Variants in RABGAP1L observed in about 807,000 individuals in gnomAD.
The protein encoded by RABGAP1L is rab GTPase-activating protein 1-like.
In RABGAP1L, 63 loss-of-function variants were observed where a neutral mutation model predicts 137.7. The ratio of observed to expected loss-of-function variants is 0.46; its 90% CI spans 0.37 to 0.56. RABGAP1L has a LOEUF of 0.56. RABGAP1L is among the 20% of genes least tolerant of loss of function. RABGAP1L has a pLI of 0.00. For missense variants in RABGAP1L, 1,095 were observed against 1,244.0 expected (o/e 0.88, Z 1.80); for synonymous variants, 431 against 433.7 (o/e 0.99, Z 0.08).
At chr1:174,228,373 TTC>T (rs1028440063) in intron 3 of RABGAP1L, among the ~76,000 whole-genome samples, 3 of 152,130 alleles carry the variant, frequency 2.0e-5, no homozygotes, top group African/African-American at 7.2e-5. Context: ...CTTATATTTT[TTC>T]TGTTTTTAAG....
chr1:174,896,574 T>C (rs1657217015), intron 19 of RABGAP1L, among the ~76,000 whole-genome samples: 1 of 152,244 alleles, frequency 6.6e-6, no homozygotes, highest in African/African-American at 2.4e-5. Context: ...TGGTTTTATG[T>C]CTAACATTTA....
intron 1 of RABGAP1L, among the ~76,000 whole-genome samples, chr1:174,165,284 G>A (rs1664809957): frequency 6.6e-6 from 1 of 152,098 alleles, no homozygotes; most frequent in Non-Finnish European, 1.5e-5. Context: ...TGAGTAGCTG[G>A]GATTACAGGC....
intron 19 of RABGAP1L, among the ~76,000 whole-genome samples, chr1:174,952,532 G>T (rs1223077642): frequency 6.6e-6 from 1 of 151,584 alleles, no homozygotes; most frequent in Admixed American, 6.6e-5. Context: ...AATGATGATT[G>T]AGTTTGATAA....
chr1:174,978,058 T>G (rs1273868147), intron 22 of RABGAP1L, among the ~76,000 whole-genome samples: 1 of 152,252 alleles, frequency 6.6e-6, no homozygotes, highest in Admixed American at 6.5e-5. Context: ...TTTCATTACT[T>G]GTTTGTTCAA....
chr1:174,189,786 TAGTG>T (rs1158072052), intron 1 of RABGAP1L, among the ~76,000 whole-genome samples: 1 of 152,060 alleles, frequency 6.6e-6, no homozygotes, highest in Non-Finnish European at 1.5e-5. Context: ...CTGGGCAACA[TAGTG>T]AGACTCTGTC....
At chr1:174,495,999 G>A (rs1381875507) in intron 13 of RABGAP1L, among the ~76,000 whole-genome samples, 1 of 152,146 alleles carries the variant, frequency 6.6e-6, no homozygotes, top group Non-Finnish European at 1.5e-5. Flanking sequence ...GATTACAGAT[G>A]TAAGCCACCA....
intron 13 of RABGAP1L, among the ~76,000 whole-genome samples, chr1:174,524,203 TGTTG>T (rs1663678485): frequency 6.7e-6 from 1 of 150,006 alleles, no homozygotes; most frequent in Non-Finnish European, 1.5e-5. Flanking sequence ...TTGTTGTTGT[TGTTG>T]TTTTTTTAAG....
chr1:174,584,896 A>G (rs987091762), intron 13 of RABGAP1L, among the ~76,000 whole-genome samples: 1 of 152,028 alleles, frequency 6.6e-6, no homozygotes, highest in African/African-American at 2.4e-5. Context: ...GAGCTAAGGT[A>G]TAGGATGTAG....
chr1:174,945,075 C>T (rs1311865644), intron 19 of RABGAP1L, among the ~76,000 whole-genome samples: 1 of 152,140 alleles, frequency 6.6e-6, no homozygotes, highest in Admixed American at 6.5e-5. Context: ...ACTTGGTTTT[C>T]CCATCATTCT....
At chr1:174,833,466 A>ATATATATATATAT (rs71117580) in intron 19 of RABGAP1L, among the ~76,000 whole-genome samples, 5,850 of 61,042 alleles carry the variant, frequency 0.096, 1,462 homozygotes, top group Non-Finnish European at 0.15. Context: ...ATATATATAT[A>ATATATATATATAT]TAGTAGAGAC....
chr1:174,618,827 C>A (rs564551281), intron 13 of RABGAP1L, among the ~76,000 whole-genome samples: 6 of 151,966 alleles, frequency 3.9e-5, no homozygotes, highest in Admixed American at 6.6e-5. Context: ...AGGCTTCAGA[C>A]GATCAAGCTA....
chr1:174,444,062 T>C (rs536438841), intron 13 of RABGAP1L, among the ~76,000 whole-genome samples: 1 of 151,964 alleles, frequency 6.6e-6, no homozygotes, highest in East Asian at 1.9e-4. Context: ...AATATCATGC[T>C]GTTTTGGTTA....
At chr1:174,822,045 G>A (rs1039779271) in intron 19 of RABGAP1L, among the ~76,000 whole-genome samples, 2 of 152,124 alleles carry the variant, frequency 1.3e-5, no homozygotes, top group African/African-American at 4.8e-5. Flanking sequence ...GGTGGATCAC[G>A]AGGTCAGGAG....
At chr1:174,499,109 A>G (rs1661015608) in intron 13 of RABGAP1L, among the ~76,000 whole-genome samples, 1 of 152,160 alleles carries the variant, frequency 6.6e-6, no homozygotes, top group South Asian at 2.1e-4. Context: ...GGGAAAATTA[A>G]AAATGAGTTT....
At chr1:174,276,311 T>C (rs1027824285) in intron 9 of RABGAP1L, among the ~76,000 whole-genome samples, 7 of 152,112 alleles carry the variant, frequency 4.6e-5, no homozygotes, top group South Asian at 4.1e-4. Context: ...CATGCATGGC[T>C]AATTTTTAAA....
At chr1:174,524,324 G>GT (rs1663691820) in intron 13 of RABGAP1L, among the ~76,000 whole-genome samples, 4 of 151,348 alleles carry the variant, frequency 2.6e-5, no homozygotes, top group South Asian at 4.2e-4. Flanking sequence ...GTTATCTTTT[G>GT]TTTTTTTAAT....
At chr1:174,263,710 CT>C (rs879804697) in intron 7 of RABGAP1L, among the ~76,000 whole-genome samples, 324 of 144,630 alleles carry the variant, frequency 2.2e-3, no homozygotes, top group Non-Finnish European at 2.2e-3. Flanking sequence ...CTTTTATTTA[CT>C]TTTTTTTTTT....
At chr1:174,204,486 C>T (rs1283323808) in intron 1 of RABGAP1L, among the ~76,000 whole-genome samples, 2 of 152,084 alleles carry the variant, frequency 1.3e-5, no homozygotes, top group South Asian at 2.1e-4. Context: ...TGTGTTGTGC[C>T]GGTTTTTACA....
intron 13 of RABGAP1L, among the ~76,000 whole-genome samples, chr1:174,526,293 T>G (rs190987639): frequency 9.2e-5 from 14 of 152,134 alleles, no homozygotes; most frequent in African/African-American, 3.1e-4. Context: ...CTATAGTTTT[T>G]TGTTGTTGTT....
Sources: gnomAD v4.1 joint callset for allele counts (sites outside exome capture counted in the v4.1 genomes callset) on GRCh38, gnomAD v4.1.1 for gene constraint, MANE v1.5 for transcripts, NCBI Gene and HGNC (gene_info 2026-07-23, HGNC 2026-07-21) for gene names.